Variants in IL1RAPL1 observed in about 807,000 individuals in gnomAD.
The protein encoded by IL1RAPL1 is interleukin 1 receptor accessory protein like 1.
A neutral mutation model predicts 48.4 loss-of-function variants in IL1RAPL1; 3 were observed. That is an observed-to-expected ratio of 0.06 (90% CI 0.03 to 0.16). The LOEUF is 0.16. Among genes scored for constraint, IL1RAPL1 ranks in the 10% least tolerant of loss-of-function variants. IL1RAPL1 has a pLI of 1.00. For synonymous variants in IL1RAPL1, 185 were observed against 187.7 expected (o/e 0.99, Z 0.12); for missense variants, 349 against 530.6 (o/e 0.66, Z 3.36).
At chrX:28,999,728 C>T (rs751131177) in intron 2 of IL1RAPL1, among the ~76,000 whole-genome samples, 1 of 112,049 alleles carries the variant, frequency 8.9e-6, no homozygotes, top group Admixed American at 9.5e-5. Flanking sequence ...TTCTGATAAA[C>T]TGCTTACAAT....
chrX:29,850,192 T>A (rs943666807), intron 6 of IL1RAPL1, among the ~76,000 whole-genome samples: 2 of 112,208 alleles, frequency 1.8e-5, no homozygotes, highest in African/African-American at 6.5e-5. Context: ...TTCTGGTGAG[T>A]GAAATTCTTC....
At chrX:28,815,430 T>G (rs1470071397) in intron 2 of IL1RAPL1, among the ~76,000 whole-genome samples, 1 of 110,638 alleles carries the variant, frequency 9.0e-6, no homozygotes, top group Non-Finnish European at 1.9e-5. Flanking sequence ...ATCCATCACC[T>G]TAAATATTTA....
At chrX:29,105,202 G>A (rs978716024) in intron 2 of IL1RAPL1, among the ~76,000 whole-genome samples, 3 of 111,662 alleles carry the variant, frequency 2.7e-5, no homozygotes, top group African/African-American at 9.8e-5. Context: ...ATCTACTATA[G>A]TACTCATTAA....
At chrX:29,698,097 A>G (rs1328289684) in intron 6 of IL1RAPL1, among the ~76,000 whole-genome samples, 1 of 110,316 alleles carries the variant, frequency 9.1e-6, no homozygotes, top group Non-Finnish European at 1.9e-5. Flanking sequence ...CTAAGCTCCA[A>G]GAACACCCCT....
chrX:29,508,660 C>T (rs751376601), intron 5 of IL1RAPL1, among the ~76,000 whole-genome samples: 1 of 111,723 alleles, frequency 9.0e-6, no homozygotes, highest in Admixed American at 9.5e-5. Context: ...AGGATTGAAA[C>T]ATTAGAGGTG....
At chrX:28,755,449 C>A (rs2147248145) in intron 1 of IL1RAPL1, among the ~76,000 whole-genome samples, 1 of 112,272 alleles carries the variant, frequency 8.9e-6, no homozygotes, top group African/African-American at 3.2e-5. Context: ...TCCAAGTGTT[C>A]AATGGTAGCA....
chrX:28,709,664 G>T (rs1185203627), intron 1 of IL1RAPL1, among the ~76,000 whole-genome samples: 1 of 111,010 alleles, frequency 9.0e-6, no homozygotes, highest in East Asian at 2.9e-4. Flanking sequence ...TCAAGCAGCA[G>T]CTTGAAGGTG....
chrX:29,772,616 T>C (rs185348627), intron 6 of IL1RAPL1, among the ~76,000 whole-genome samples: 1 of 112,159 alleles, frequency 8.9e-6, no homozygotes, highest in Non-Finnish European at 1.9e-5. Flanking sequence ...TATTGCTTTA[T>C]TTATTTTAAT....
At chrX:29,660,055 C>A (rs964287814) in intron 5 of IL1RAPL1, among the ~76,000 whole-genome samples, 1 of 110,849 alleles carries the variant, frequency 9.0e-6, no homozygotes, top group African/African-American at 3.3e-5. Flanking sequence ...AGAGAGACAG[C>A]GAAGGGGGAA....
chrX:29,028,082 A>G (rs1476541400), intron 2 of IL1RAPL1, among the ~76,000 whole-genome samples: 3 of 110,427 alleles, frequency 2.7e-5, no homozygotes, highest in African/African-American at 6.6e-5. Flanking sequence ...ATTACCTGAC[A>G]TACCATTTTT....
chrX:29,238,965 G>T (rs1342691472), intron 2 of IL1RAPL1, among the ~76,000 whole-genome samples: 1 of 111,884 alleles, frequency 8.9e-6, no homozygotes. Flanking sequence ...CCTTATCAAT[G>T]ATCTCTTAAT....
chrX:29,365,108 A>G (rs766833402), intron 3 of IL1RAPL1, among the ~76,000 whole-genome samples: 78 of 111,952 alleles, frequency 7.0e-4, no homozygotes, highest in Non-Finnish European at 1.1e-3. Context: ...AAATAACCCT[A>G]TATAATAGTT....
chrX:29,668,497 C>A lies in IL1RAPL1; in HGVS notation c.771C>A (p.Thr257=). The A allele has an allele frequency of 3.4e-6, 4 of 1,191,846 alleles. No homozygotes were observed. Among genetic ancestry groups the A allele is most frequent in the Non-Finnish European group, 4.6e-6 (4 of 877,950 alleles). Residue 257 remains threonine (T), a synonymous_variant, in exon 6 of 11, where the codon ACC becomes ACA. Coordinates refer to ENST00000378993, the MANE Select transcript of IL1RAPL1 (RefSeq NM_014271.4). ...PMESKLTIQE[T]QLGDSANLTC... Reference sequence around the variant, plus strand: ...AAAGTAAACTGACAATTCAGGAGACCCAGCTGGGTGAGTAATTCCTTAATT... The same window carrying A: ...AAAGTAAACTGACAATTCAGGAGACACAGCTGGGTGAGTAATTCCTTAATT...
At chrX:28,605,472 T>A (rs1410744606) in intron 1 of IL1RAPL1, among the ~76,000 whole-genome samples, 1 of 111,567 alleles carries the variant, frequency 9.0e-6, no homozygotes, top group African/African-American at 3.3e-5. Context: ...GTACTATCTT[T>A]ACCCAGATCT....
At chrX:28,719,086 A>G (rs1198950298) in intron 1 of IL1RAPL1, among the ~76,000 whole-genome samples, 1 of 110,749 alleles carries the variant, frequency 9.0e-6, no homozygotes, top group African/African-American at 3.3e-5. Flanking sequence ...AATTGTAAAT[A>G]CTCCTTCTTA....
At chrX:29,558,769 A>G (rs907714356) in intron 5 of IL1RAPL1, among the ~76,000 whole-genome samples, 4 of 111,889 alleles carry the variant, frequency 3.6e-5, no homozygotes, top group African/African-American at 1.3e-4. Context: ...CAATTTTCCC[A>G]GCATCACTTG....
At chrX:29,918,144 A>AAAAAAAT (rs1555935868) in intron 7 of IL1RAPL1, among the ~76,000 whole-genome samples, 3 of 23,767 alleles carry the variant, frequency 1.3e-4, no homozygotes, top group Non-Finnish European at 1.3e-4. Flanking sequence ...AAAAAAAAAA[A>AAAAAAAT]ATATATATAT....
intron 2 of IL1RAPL1, among the ~76,000 whole-genome samples, chrX:29,260,001 A>G (rs1025177480): frequency 8.9e-6 from 1 of 112,011 alleles, no homozygotes; most frequent in Non-Finnish European, 1.9e-5. Context: ...TTTTCCCATG[A>G]GAGTTATTTA....
intron 1 of IL1RAPL1, among the ~76,000 whole-genome samples, chrX:28,738,997 C>A (rs1377538546): frequency 5.4e-5 from 6 of 110,890 alleles, no homozygotes; most frequent in Non-Finnish European, 9.4e-5. Context: ...ATTTAATACC[C>A]TTTGGTGACA....
Sources: gnomAD v4.1 joint callset for allele counts (sites outside exome capture counted in the v4.1 genomes callset) on GRCh38, gnomAD v4.1.1 for gene constraint, MANE v1.5 for transcripts, NCBI Gene and HGNC (gene_info 2026-07-23, HGNC 2026-07-21) for gene names.